PAM: variants seen among roughly 807,000 people sequenced by gnomAD.
The protein encoded by PAM is peptidylglycine alpha-amidating monooxygenase.
In PAM, 72 loss-of-function variants were observed where a neutral mutation model predicts 122.1. That is an observed-to-expected ratio of 0.59 (90% confidence interval 0.49 to 0.72). The LOEUF is 0.72. PAM is among the 30% of genes least tolerant of loss of function. PAM has a pLI of 0.00. For missense variants in PAM, 1,106 were observed against 1,183.7 expected, an observed-to-expected ratio of 0.93 and a Z score of 0.96; for synonymous variants, 389 against 404.4, an observed-to-expected ratio of 0.96 and a Z score of 0.46.
At chr5:102,935,967 A>G (rs1303345262) in intron 7 of PAM, among the ~76,000 whole-genome samples, 1 of 152,188 alleles carries the variant, frequency 6.6e-6, no homozygotes, top group East Asian at 1.9e-4. Context: ...CACAAGAGCC[A>G]ATTGGTAATT....
chr5:102,963,482 TA>T (rs1562053535), intron 14 of PAM, among the ~76,000 whole-genome samples: 2 of 152,036 alleles, frequency 1.3e-5, no homozygotes, highest in African/African-American at 2.4e-5. Flanking sequence ...AAACTTCACT[TA>T]TCACTTTATT....
chr5:102,902,907 T>C (rs1378492971), intron 4 of PAM, among the ~76,000 whole-genome samples: 1 of 151,482 alleles, frequency 6.6e-6, no homozygotes, highest in African/African-American at 2.4e-5. Context: ...AGTATATGAT[T>C]TTAGAACCAG....
intron 3 of PAM, chr5:102,896,035 A>G (rs1006691620): frequency 1.3e-5 from 2 of 151,726 alleles, no homozygotes; most frequent in Non-Finnish European, 3.0e-5. Context: ...CCGAGTCCCC[A>G]TCACAGGGAA....
At chr5:102,774,100 T>G (rs528158102) in intron 1 of PAM, among the ~76,000 whole-genome samples, 1 of 152,266 alleles carries the variant, frequency 6.6e-6, no homozygotes, top group East Asian at 1.9e-4. Context: ...CACATTTTCT[T>G]TATCCAGTCT....
At chr5:102,820,056 A>G (rs866018209) in intron 1 of PAM, among the ~76,000 whole-genome samples, 19 of 152,218 alleles carry the variant, frequency 1.2e-4, no homozygotes, top group African/African-American at 3.9e-4. Context: ...TTGGTTTGCA[A>G]TTTAATGAAA....
intron 1 of PAM, among the ~76,000 whole-genome samples, chr5:102,846,024 A>G (rs1161438939): frequency 6.6e-6 from 1 of 152,168 alleles, no homozygotes. Flanking sequence ...TATACTAACT[A>G]TACCACTAAC....
chr5:102,825,158 A>G (rs1464942387), intron 1 of PAM, among the ~76,000 whole-genome samples: 1 of 152,218 alleles, frequency 6.6e-6, no homozygotes, highest in East Asian at 1.9e-4. Flanking sequence ...AATTTAAGTC[A>G]TTTTCAAATA....
At chr5:102,977,426 G>T (rs1264915632) in intron 15 of PAM, among the ~76,000 whole-genome samples, 2 of 152,076 alleles carry the variant, frequency 1.3e-5, no homozygotes, top group African/African-American at 2.4e-5. Flanking sequence ...GTGTCTTATT[G>T]TATCTCTAGG....
chr5:102,846,138 T>A (rs1779891008), intron 1 of PAM, among the ~76,000 whole-genome samples: 1 of 152,100 alleles, frequency 6.6e-6, no homozygotes, highest in Non-Finnish European at 1.5e-5. Flanking sequence ...TCCCTGATGG[T>A]GAAAAATAAC....
chr5:102,774,894 AT>A (rs1756760467), intron 1 of PAM, among the ~76,000 whole-genome samples: 2 of 151,980 alleles, frequency 1.3e-5, no homozygotes, highest in South Asian at 2.1e-4. Context: ...GATAAATTCA[AT>A]GTCTTCTCTT....
rs192837321 is a variant in PAM at position 103,029,369 on chromosome 5, G to A, written c.*304G>A. On this transcript the variant is annotated 3_prime_UTR_variant, in exon 26 of 26. Coordinates refer to ENST00000438793, the MANE Select transcript of PAM (RefSeq NM_001177306.2). ...CCATTTACACTTTTGAGACTTTTTG[G>A]TGGATGTAAATAACCCCATTCTTTG... 2 of 232,832 alleles carry A rather than the reference G, an allele frequency of 8.6e-6. No individual in the cohort carries two copies. Among genetic ancestry groups the A allele is most frequent in the East Asian group, 8.7e-5 (1 of 11,526 alleles). 14.4% of individuals were successfully genotyped at this position (232,832 alleles called of 1,614,324 possible). A position where few individuals can be genotyped will look rare whatever the true frequency, so the allele number is the denominator to read the frequency against.
intron 5 of PAM, among the ~76,000 whole-genome samples, chr5:102,916,480 A>G (rs1408248360): frequency 3.3e-5 from 5 of 151,850 alleles, no homozygotes; most frequent in African/African-American, 9.7e-5. Context: ...AACAAGGACA[A>G]TTGGTGCTGT....
chr5:103,029,511 C>A lies in PAM; in HGVS notation c.*446C>A. On this transcript the variant is annotated 3_prime_UTR_variant, in exon 26 of 26. Transcript: ENST00000438793. The stretch of plus-strand genomic sequence containing the variant: ...AGAGAAACTTTGTGCTACATGACGA[C>A]AAAGCTGCTAAATCTCCTATTTTTT... The A allele has an allele frequency of 6.5e-6, 1 of 153,732 alleles. No individual in the cohort carries two copies. The highest frequency in any genetic ancestry group is 1.5e-5 in the Non-Finnish European group (1 of 68,756). 9.5% of individuals were successfully genotyped at this position (153,732 alleles called of 1,614,324 possible).
chr5:102,771,412 T>C (rs1290707136), intron 1 of PAM, among the ~76,000 whole-genome samples: 1 of 152,130 alleles, frequency 6.6e-6, no homozygotes, highest in Admixed American at 6.6e-5. Flanking sequence ...AGTGCTGCAT[T>C]CTAAACAGGG....
intron 4 of PAM, among the ~76,000 whole-genome samples, chr5:102,912,035 C>G (rs1801565466): frequency 6.6e-6 from 1 of 152,044 alleles, no homozygotes; most frequent in Admixed American, 6.6e-5. Context: ...AATTCTGACT[C>G]TCTGCTGGAT....
intron 15 of PAM, 57 bp from the exon 16 acceptor site, chr5:102,990,215 C>T (rs1773613978): frequency 1.5e-6 from 2 of 1,346,890 alleles, no homozygotes; most frequent in South Asian, 1.9e-5. Flanking sequence ...ATTATGAATC[C>T]TCATGAGGCA....
chr5:103,025,674 T>C (rs549266884), intron 24 of PAM, among the ~76,000 whole-genome samples: 2 of 152,252 alleles, frequency 1.3e-5, no homozygotes, highest in African/African-American at 4.8e-5. Flanking sequence ...GAGGAGGAGA[T>C]ACCTGCTGTT....
chr5:102,758,152 A>G (rs1391792781), intron 1 of PAM, among the ~76,000 whole-genome samples: 1 of 126,244 alleles, frequency 7.9e-6, no homozygotes, highest in African/African-American at 3.1e-5. Flanking sequence ...GAAAAGATTG[A>G]CCAGGGATCT....
At chr5:102,967,568 G>A in intron 14 of PAM, among the ~76,000 whole-genome samples, 1 of 151,976 alleles carries the variant, frequency 6.6e-6, no homozygotes, top group Non-Finnish European at 1.5e-5. Context: ...AGAAATGAGA[G>A]GGACTTTTTT....
Sources: allele counts gnomAD v4.1 joint callset (sites outside exome capture counted in the v4.1 genomes callset), GRCh38; gene constraint gnomAD v4.1.1; transcripts MANE v1.5; gene names NCBI Gene and HGNC (gene_info 2026-07-23, HGNC 2026-07-21).